NDUFAF2: variants seen among roughly 807,000 people sequenced by gnomAD.
NDUFAF2 encodes the protein NADH dehydrogenase [ubiquinone] 1 alpha subcomplex assembly factor 2.
Under a neutral mutation model 22.8 loss-of-function variants are expected in NDUFAF2, and 13 were observed. The ratio of observed to expected loss-of-function variants is 0.57; its 90% CI spans 0.37 to 0.91. The LOEUF is 0.91. Among genes scored for constraint, NDUFAF2 ranks in the 40% least tolerant of loss-of-function variants. The pLI is 0.01. For synonymous variants in NDUFAF2, 53 were observed against 64.2 expected (o/e 0.83, Z 0.84); for missense variants, 162 against 195.2 (o/e 0.83, Z 1.01).
intron 3 of NDUFAF2, among the ~76,000 whole-genome samples, chr5:61,152,068 A>C (rs945995548): frequency 6.6e-6 from 1 of 152,226 alleles, no homozygotes; most frequent in Non-Finnish European, 1.5e-5. Flanking sequence ...TCTGAGGAAC[A>C]GAACTGCATT....
At chr5:61,051,994 T>C (rs1028487616) in intron 1 of NDUFAF2, among the ~76,000 whole-genome samples, 5 of 152,306 alleles carry the variant, frequency 3.3e-5, no homozygotes, top group Non-Finnish European at 5.9e-5. Flanking sequence ...TAGAGAAGTA[T>C]AACTATTTTT....
chr5:60,998,391 A>G (rs1158185556), intron 1 of NDUFAF2, among the ~76,000 whole-genome samples: 1 of 152,178 alleles, frequency 6.6e-6, no homozygotes, highest in African/African-American at 2.4e-5. Context: ...TGTAGCAACA[A>G]GAAATTAATG....
At chr5:60,973,158 C>T (rs1040533405) in intron 1 of NDUFAF2, among the ~76,000 whole-genome samples, 2 of 152,104 alleles carry the variant, frequency 1.3e-5, no homozygotes, top group African/African-American at 4.8e-5. Flanking sequence ...ATTGAATGCT[C>T]ACCATTAGTC....
At chr5:61,106,111 A>G (rs1288896287) in intron 3 of NDUFAF2, among the ~76,000 whole-genome samples, 1 of 151,516 alleles carries the variant, frequency 6.6e-6, no homozygotes, top group Non-Finnish European at 1.5e-5. Flanking sequence ...GAGTTGGAAA[A>G]TCACCACTAT....
At position 60,947,235 on chromosome 5, in the gene NDUFAF2, C is replaced by A. The variant is rs139986631; in HGVS notation, c.127+1853C>A. Among the ~76,000 whole-genome samples, 703 of 152,292 alleles carry A rather than the reference C, an allele frequency of 4.6e-3. 5 individuals are homozygous for A. Among genetic ancestry groups the A allele is most frequent in the African/African-American group, 0.016 (666 of 41,556 alleles). Reference sequence around the variant, plus strand: ...GTGGCTGTACCATTTTGTATTCCTGCCAGCAATGCATTAAAATTCTAGTTG... The same window carrying A: ...GTGGCTGTACCATTTTGTATTCCTGACAGCAATGCATTAAAATTCTAGTTG... On this transcript the variant is annotated intron_variant, in intron 1 of 3. Transcript: ENST00000296597.
intron 1 of NDUFAF2, among the ~76,000 whole-genome samples, chr5:60,973,608 G>C (rs535873549): frequency 6.6e-5 from 10 of 152,236 alleles, no homozygotes; most frequent in Non-Finnish European, 1.2e-4. Flanking sequence ...AGCAAAAGGA[G>C]TAACGTAAGT....
rs188986968 is a variant in NDUFAF2, at chr5:60,955,498, G to A, written c.127+10116G>A. 1.5e-3 allele frequency among the ~76,000 whole-genome samples: 235 copies of A among 152,278 alleles called. 1 individual carries two copies. Among genetic ancestry groups the A allele is most frequent in the African/African-American group, 5.5e-3 (228 of 41,560 alleles). On this transcript the variant is annotated intron_variant, in intron 1 of 3. Transcript: ENST00000296597. ...TAAACGTATTTTGAAATCAGACAGT[G>A]TGATGCGTCCAGATTTGTTCTTCCT...
chr5:61,004,186 A>C (rs290507), intron 1 of NDUFAF2, among the ~76,000 whole-genome samples: 96,582 of 151,814 alleles, frequency 0.64, 31,141 homozygotes, highest in East Asian at 0.94. Flanking sequence ...TTTCTGTCTT[A>C]TTTGTTTTTA....
rs140647396 is a variant in NDUFAF2 at position 60,968,454 on chromosome 5, T to G, written c.127+23072T>G. On this transcript the variant is annotated intron_variant, in intron 1 of 3. Coordinates refer to ENST00000296597, the MANE Select transcript of NDUFAF2 (RefSeq NM_174889.5). Reference sequence around the variant, plus strand: ...TTGTATATTTGAGATTTTTTTAATGTAAGTGTTCATTGCCTTAAATTTTCG... The same window carrying G: ...TTGTATATTTGAGATTTTTTTAATGGAAGTGTTCATTGCCTTAAATTTTCG... Among the ~76,000 whole-genome samples, 135 of 152,116 alleles carry G rather than the reference T, an allele frequency of 8.9e-4. 1 individual carries two copies. The highest frequency in any genetic ancestry group is 3.2e-3 in the African/African-American group (131 of 41,566).
At chr5:61,150,288 G>A (rs1306494124) in intron 3 of NDUFAF2, among the ~76,000 whole-genome samples, 2 of 151,946 alleles carry the variant, frequency 1.3e-5, no homozygotes, top group Admixed American at 6.5e-5. Flanking sequence ...TTTATGTTCT[G>A]TTTAATTTTG....
intron 1 of NDUFAF2, among the ~76,000 whole-genome samples, chr5:60,976,304 C>CTTTTTTTTTTTT (rs35600173): frequency 6.8e-6 from 1 of 148,132 alleles, no homozygotes; most frequent in African/African-American, 2.5e-5. Flanking sequence ...AATGTATGTG[C>CTTTTTTTTTTTT]TTTTTTTTTT....
intron 1 of NDUFAF2, among the ~76,000 whole-genome samples, chr5:61,040,274 A>ACGCG (rs1336069548): frequency 7.5e-5 from 9 of 120,402 alleles, no homozygotes; most frequent in African/African-American, 3.5e-4. Context: ...ACACACACAC[A>ACGCG]CACACACACA....
intron 1 of NDUFAF2, among the ~76,000 whole-genome samples, chr5:60,966,394 T>C (rs1004736279): frequency 6.6e-6 from 1 of 152,152 alleles, no homozygotes; most frequent in Non-Finnish European, 1.5e-5. Context: ...TGTTTATTTT[T>C]GCTTTTCTTG....
intron 2 of NDUFAF2, among the ~76,000 whole-genome samples, chr5:61,093,974 C>T (rs1206983824): frequency 6.6e-6 from 1 of 152,132 alleles, no homozygotes; most frequent in African/African-American, 2.4e-5. Context: ...TCAGTTTCCT[C>T]CTGGTTCAGT....
chr5:61,148,177 C>G (rs947773910), intron 3 of NDUFAF2, among the ~76,000 whole-genome samples: 1 of 152,190 alleles, frequency 6.6e-6, no homozygotes, highest in African/African-American at 2.4e-5. Context: ...CATAAACCAC[C>G]ATCCTCTGGT....
At chr5:61,020,604 A>T (rs924324001) in intron 1 of NDUFAF2, among the ~76,000 whole-genome samples, 1 of 151,734 alleles carries the variant, frequency 6.6e-6, no homozygotes, top group Non-Finnish European at 1.5e-5. Context: ...TGTTTAAGAG[A>T]TGAGGTCTCG....
intron 3 of NDUFAF2, among the ~76,000 whole-genome samples, chr5:61,112,552 G>C (rs773470829): frequency 1.3e-5 from 2 of 152,064 alleles, no homozygotes; most frequent in African/African-American, 4.8e-5. Context: ...AATCTATTTT[G>C]TCTGATATAA....
chr5:61,051,683 T>A (rs895165451), intron 1 of NDUFAF2, among the ~76,000 whole-genome samples: 9 of 152,148 alleles, frequency 5.9e-5, no homozygotes, highest in Non-Finnish European at 1.3e-4. Flanking sequence ...TGTATAGGGA[T>A]GGTGTTAGAA....
At chr5:61,146,903 A>C (rs1247437608) in intron 3 of NDUFAF2, among the ~76,000 whole-genome samples, 5 of 152,166 alleles carry the variant, frequency 3.3e-5, no homozygotes, top group Admixed American at 6.5e-5. Flanking sequence ...TTCTACAAAG[A>C]AGCACTCAAT....
Sources: gnomAD v4.1 joint callset for allele counts (sites outside exome capture counted in the v4.1 genomes callset) on GRCh38, gnomAD v4.1.1 for gene constraint, MANE v1.5 for transcripts, NCBI Gene and HGNC (gene_info 2026-07-23, HGNC 2026-07-21) for gene names.